Variants in RBFOX1 observed in about 807,000 individuals in gnomAD.
RBFOX1 encodes the protein RNA binding protein fox-1 homolog 1.
In RBFOX1, 8 loss-of-function variants were observed where a neutral mutation model predicts 57.7. That is an observed-to-expected ratio of 0.14 (90% CI 0.08 to 0.25). The LOEUF (loss-of-function observed/expected upper bound fraction) is 0.25. Among genes scored for constraint, RBFOX1 ranks in the 10% least tolerant of loss-of-function variants. The pLI, the probability that RBFOX1 is intolerant of heterozygous loss-of-function variation, is 1.00. For missense variants in RBFOX1, 611 were observed against 548.5 expected (o/e 1.11, Z -1.14); for synonymous variants, 326 against 222.4 (o/e 1.47, Z -4.15).
intron 3 of RBFOX1, among the ~76,000 whole-genome samples, chr16:6,790,192 A>ATTATTG (rs1259410657): frequency 6.9e-6 from 1 of 145,476 alleles, no homozygotes; most frequent in East Asian, 2.0e-4. Context: ...TATTATTATT[A>ATTATTG]TTATTATTTT....
intron 1 of RBFOX1, among the ~76,000 whole-genome samples, chr16:6,216,682 G>A (rs1214164286): frequency 6.6e-6 from 1 of 152,018 alleles, no homozygotes; most frequent in Non-Finnish European, 1.5e-5. Context: ...TTTTCGCTTA[G>A]ACAGATATCC....
chr16:5,263,418 A>G (rs1170265161), intron 1 of RBFOX1, among the ~76,000 whole-genome samples: 1 of 152,138 alleles, frequency 6.6e-6, no homozygotes, highest in Non-Finnish European at 1.5e-5. Flanking sequence ...AACACAGGAA[A>G]GGAGCTGGGA....
chr16:7,664,853 C>G, intron 12 of RBFOX1, 76 bp from the exon 13 acceptor site: 1 of 1,612,588 alleles, frequency 6.2e-7, no homozygotes, highest in Admixed American at 1.7e-5. Flanking sequence ...ACTAACCTCG[C>G]CAGTGCAGGG....
intron 3 of RBFOX1, among the ~76,000 whole-genome samples, chr16:6,809,854 C>A (rs1461581089): frequency 6.6e-6 from 1 of 152,072 alleles, no homozygotes. Flanking sequence ...GTGTAATTCA[C>A]CAGTCCGGTG....
rs73540197 is a variant in RBFOX1 at position 6,626,051 on chromosome 16, G to A, written c.-63-28552G>A. 4.0e-3 allele frequency among the ~76,000 whole-genome samples: 610 copies of A among 151,776 alleles called. 4 individuals carry two copies. Among genetic ancestry groups the A allele is most frequent in the African/African-American group, 0.014 (580 of 41,360 alleles). On this transcript the variant is annotated intron_variant, in intron 2 of 15. Coordinates refer to ENST00000550418, the MANE Select transcript of RBFOX1 (RefSeq NM_018723.4). ...AACAGCTTCACCTAATTTAGTTGCC[G>A]ATTATAGTGTTGCCTGCCTCTGAAG...
At position 5,746,419 on chromosome 16, in the gene RBFOX1, C is replaced by T. The variant is rs566915491; in HGVS notation, c.319-120884C>T. 7.9e-5 allele frequency among the ~76,000 whole-genome samples: 12 copies of T among 152,218 alleles called. No individual in the cohort carries two copies. In the East Asian group the frequency reaches 9.7e-4, roughly 12 times the overall value. On this transcript the variant is annotated intron_variant, in intron 3 of 19. Transcript: ENST00000641259. ...TTGGTTTAGGATTGTCTTGGCAATG[C>T]GGGCTCTTTTTTGGTTCCATATGAA...
chr16:7,550,939 C>G (rs1307733029), intron 5 of RBFOX1, among the ~76,000 whole-genome samples: 1 of 151,650 alleles, frequency 6.6e-6, no homozygotes, highest in Non-Finnish European at 1.5e-5. Context: ...ACTAAAAATA[C>G]AAAAATTAGC....
At chr16:7,628,168 A>AT (rs1407953730) in intron 10 of RBFOX1, among the ~76,000 whole-genome samples, 1 of 152,074 alleles carries the variant, frequency 6.6e-6, no homozygotes, top group African/African-American at 2.4e-5. Context: ...ACAGTTATAC[A>AT]TTTTTCTTTT....
intron 3 of RBFOX1, among the ~76,000 whole-genome samples, chr16:6,879,961 C>T (rs2062597932): frequency 6.6e-6 from 1 of 152,104 alleles, no homozygotes; most frequent in South Asian, 2.1e-4. Context: ...TGTTCAGTGG[C>T]ATTTCTACTT....
intron 1 of RBFOX1, among the ~76,000 whole-genome samples, chr16:6,075,176 G>A (rs906471101): frequency 1.4e-4 from 22 of 152,166 alleles, no homozygotes; most frequent in East Asian, 5.8e-4. Flanking sequence ...CGTCAGACAC[G>A]AAGCATGGAG....
intron 3 of RBFOX1, among the ~76,000 whole-genome samples, chr16:6,762,994 G>A (rs541869150): frequency 2.6e-5 from 4 of 151,538 alleles, no homozygotes; most frequent in Admixed American, 1.3e-4. Flanking sequence ...AATTTGCCCA[G>A]TGCAAATAGG....
chr16:6,478,419 ATATATATATATTTTTTT>A (rs1312125219), intron 2 of RBFOX1, among the ~76,000 whole-genome samples: 3 of 13,804 alleles, frequency 2.2e-4, no homozygotes, highest in East Asian at 4.3e-3. Flanking sequence ...ATATATATAT[ATATATATATATTTTTTT>A]TTTTTTTTTT....
At chr16:7,178,578 G>A (rs2082109513) in intron 4 of RBFOX1, among the ~76,000 whole-genome samples, 2 of 152,172 alleles carry the variant, frequency 1.3e-5, no homozygotes, top group Non-Finnish European at 2.9e-5. Flanking sequence ...GTATATTTCT[G>A]TTTCCATCAC....
intron 4 of RBFOX1, among the ~76,000 whole-genome samples, chr16:7,332,063 C>T (rs995576891): frequency 2.0e-5 from 3 of 152,122 alleles, no homozygotes; most frequent in Non-Finnish European, 2.9e-5. Context: ...TAAAGAATGT[C>T]GTTAAAAACA....
chr16:6,024,407 G>A (rs1384896749), intron 1 of RBFOX1, among the ~76,000 whole-genome samples: 1 of 152,258 alleles, frequency 6.6e-6, no homozygotes, highest in Admixed American at 6.5e-5. Context: ...CCAGAGAGGA[G>A]AGATTTGACC....
intron 4 of RBFOX1, among the ~76,000 whole-genome samples, chr16:7,244,316 T>C (rs1053488333): frequency 6.6e-6 from 1 of 150,622 alleles, no homozygotes; most frequent in Non-Finnish European, 1.5e-5. Context: ...CTTGAGATTA[T>C]CTTGATCTTG....
intron 4 of RBFOX1, among the ~76,000 whole-genome samples, chr16:7,365,114 A>G (rs748956006): frequency 1.3e-5 from 2 of 152,154 alleles, no homozygotes; most frequent in Non-Finnish European, 2.9e-5. Flanking sequence ...TCCCAATACA[A>G]ACCATATACA....
chr16:5,807,631 C>A (rs1213851633), intron 3 of RBFOX1, among the ~76,000 whole-genome samples: 1 of 152,128 alleles, frequency 6.6e-6, no homozygotes, highest in Non-Finnish European at 1.5e-5. Flanking sequence ...AGGGAGGGGG[C>A]TTTTAGAACA....
chr16:6,898,820 A>C (rs1021735510), intron 3 of RBFOX1, among the ~76,000 whole-genome samples: 7 of 151,834 alleles, frequency 4.6e-5, no homozygotes, highest in African/African-American at 1.7e-4. Context: ...GCATGTGTAT[A>C]ATACATGTGT....
Sources: gnomAD v4.1 joint callset for allele counts (sites outside exome capture counted in the v4.1 genomes callset) on GRCh38, gnomAD v4.1.1 for gene constraint, MANE v1.5 for transcripts, NCBI Gene and HGNC (gene_info 2026-07-23, HGNC 2026-07-21) for gene names.